ARMC2: variants seen among roughly 807,000 people sequenced by gnomAD.
ARMC2 encodes the protein armadillo repeat containing 2, also known as armadillo repeat-containing protein 2.
ARMC2 carries 67 observed loss-of-function variants against 90.3 expected under a neutral mutation model. That is an observed-to-expected ratio of 0.74 (90% CI 0.61 to 0.91). The LOEUF (loss-of-function observed/expected upper bound fraction) is 0.91. Ranked by LOEUF, ARMC2 falls within the 40% of genes least tolerant of loss-of-function variation. The pLI, the probability that ARMC2 is intolerant of heterozygous loss-of-function variation, is 0.00. For missense variants in ARMC2, 920 were observed against 1,030.9 expected, an observed-to-expected ratio of 0.89 and a Z score of 1.47; for synonymous variants, 393 against 393.0, an observed-to-expected ratio of 1.00 and a Z score of 0.00.
chr6:109,025,615 G>A, the ARMC2 span, among the ~76,000 whole-genome samples: 10 of 150,598 alleles, frequency 6.6e-5, no homozygotes, highest in Non-Finnish European at 1.2e-4. Context: ...GAAAGTATGG[G>A]TGAGAAACAG....
chr6:109,008,046 TTA>T, the ARMC2 span, among the ~76,000 whole-genome samples: 8 of 152,184 alleles, frequency 5.3e-5, no homozygotes, highest in Non-Finnish European at 8.8e-5. Flanking sequence ...TTGGGATGTA[TTA>T]AAAATGAAAT....
the ARMC2 span, among the ~76,000 whole-genome samples, chr6:108,991,156 C>T: frequency 2.6e-5 from 4 of 152,318 alleles, no homozygotes; most frequent in South Asian, 6.2e-4. Context: ...CTCAGCCCCC[C>T]AGATGTGACC....
At chr6:109,028,973 G>A in the ARMC2 span, among the ~76,000 whole-genome samples, 1 of 152,144 alleles carries the variant, frequency 6.6e-6, no homozygotes, top group African/African-American at 2.4e-5. Context: ...TATATTAACT[G>A]TCTCATAGAG....
chr6:108,968,447 A>C (rs1778528696), intron 17 of ARMC2, among the ~76,000 whole-genome samples: 1 of 152,202 alleles, frequency 6.6e-6, no homozygotes, highest in African/African-American at 2.4e-5. Context: ...TCAGGAAGCC[A>C]AGCCACTGCA....
intron 10 of ARMC2, among the ~76,000 whole-genome samples, chr6:108,923,859 G>T (rs1316698991): frequency 2.0e-5 from 3 of 152,040 alleles, no homozygotes; most frequent in Admixed American, 1.3e-4. Context: ...TGCCAGAGGT[G>T]TCTTAAAGGG....
At chr6:108,926,273 A>G (rs956749879) in intron 10 of ARMC2, among the ~76,000 whole-genome samples, 3 of 152,118 alleles carry the variant, frequency 2.0e-5, no homozygotes, top group Non-Finnish European at 4.4e-5. Flanking sequence ...GTCTCCATGG[A>G]AGAGAGTTTT....
chr6:108,922,037 G>C (rs1345575410), intron 10 of ARMC2, among the ~76,000 whole-genome samples: 2 of 152,212 alleles, frequency 1.3e-5, no homozygotes, highest in Non-Finnish European at 2.9e-5. Context: ...TCTGATGGCA[G>C]GTTGCCTTCT....
At position 108,901,098 on chromosome 6, in the gene ARMC2, A is replaced by ATTTTTT. The variant is rs1173637475; in HGVS notation, c.847+1338_847+1343dup. Among the ~76,000 whole-genome samples the ATTTTTT allele has an allele frequency of 8.1e-4, 48 of 59,366 alleles. 9 individuals are homozygous for ATTTTTT. Among genetic ancestry groups the ATTTTTT allele is most frequent in the East Asian group, 7.1e-3 (8 of 1,120 alleles). 38.9% of individuals were successfully genotyped at this position (59,366 alleles called of 152,430 possible). A position where few individuals can be genotyped will look rare whatever the true frequency, so the allele number is the denominator to read the frequency against. ...GAAGCCTTCCTACAGGAAAGAAGGA[A>ATTTTTT]TTTTTTTTTTTTTTTTTTTTTTTTT... On this transcript the variant is annotated intron_variant, in intron 7 of 17. Transcript: ENST00000392644.
At chr6:108,995,762 C>G in the ARMC2 span, among the ~76,000 whole-genome samples, 1 of 152,138 alleles carries the variant, frequency 6.6e-6, no homozygotes, top group African/African-American at 2.4e-5. Context: ...CCAGCCTGGA[C>G]AACAGAGAGA....
chr6:109,045,899 G>A, the ARMC2 span, among the ~76,000 whole-genome samples: 1 of 152,118 alleles, frequency 6.6e-6, no homozygotes, highest in Non-Finnish European at 1.5e-5. Flanking sequence ...TAAATGTGAG[G>A]CACGATATGG....
chr6:108,923,703 T>C (rs143837632), intron 10 of ARMC2, among the ~76,000 whole-genome samples: 3 of 151,264 alleles, frequency 2.0e-5, no homozygotes, highest in African/African-American at 7.3e-5. Context: ...CACAGTGAGA[T>C]TGGTGGCTCT....
At chr6:109,019,227 C>T in the ARMC2 span, among the ~76,000 whole-genome samples, 1 of 152,116 alleles carries the variant, frequency 6.6e-6, no homozygotes, top group South Asian at 2.1e-4. Context: ...ACACACACCC[C>T]TCATGATCTG....
chr6:109,022,327 G>A, the ARMC2 span, among the ~76,000 whole-genome samples: 1 of 147,560 alleles, frequency 6.8e-6, no homozygotes, highest in South Asian at 2.2e-4. Flanking sequence ...TATGATTCCA[G>A]AAGCAGGGCA....
chr6:108,869,945 G>A (rs552119846), intron 4 of ARMC2, among the ~76,000 whole-genome samples: 2 of 152,324 alleles, frequency 1.3e-5, no homozygotes, highest in African/African-American at 4.8e-5. Context: ...AATAGAAAAT[G>A]TCAGAATACA....
intron 7 of ARMC2, among the ~76,000 whole-genome samples, chr6:108,900,974 G>A (rs1050692783): frequency 2.0e-5 from 3 of 151,980 alleles, no homozygotes; most frequent in Non-Finnish European, 4.4e-5. Flanking sequence ...AAACACTAGT[G>A]AGAAGAACAA....
the ARMC2 span, among the ~76,000 whole-genome samples, chr6:109,006,260 A>G: frequency 6.6e-6 from 1 of 152,204 alleles, no homozygotes; most frequent in Admixed American, 6.5e-5. Context: ...TACTATTATT[A>G]TCTCCATTTA....
chr6:108,965,068 A>G lies in ARMC2; in HGVS notation c.2374A>G (p.Ile792Val), dbSNP rs567619826. The G allele has an allele frequency of 1.7e-5, 27 of 1,613,768 alleles. No individual in the cohort carries two copies. The South Asian group carries it at 2.9e-4, about 17-fold the overall frequency. Reference sequence around the variant, plus strand: ...AACTTTATGGAACTTCAGTGAAAACATCACTAATGCTTCGTCATGTTTTGG... The same window carrying G: ...AACTTTATGGAACTTCAGTGAAAACGTCACTAATGCTTCGTCATGTTTTGG... Reference protein sequence around the residue: ...CKTLWNFSENITNASSCFGNE... With the variant: ...CKTLWNFSENVTNASSCFGNE... Residue 792 changes from isoleucine (I) to valine (V), a missense_variant, in exon 17 of 18, where the codon ATC (isoleucine) becomes GTC (valine). By Grantham distance (29) the Ile-to-Val change is conservative. Coordinates refer to ENST00000392644, the MANE Select transcript of ARMC2 (RefSeq NM_032131.6).
chr6:108,889,644 T>C (rs1327379443), intron 5 of ARMC2, among the ~76,000 whole-genome samples: 2 of 151,648 alleles, frequency 1.3e-5, no homozygotes, highest in Non-Finnish European at 2.9e-5. Flanking sequence ...CTTGCCATAT[T>C]GCCCAGGCTG....
At chr6:108,979,901 T>C in the ARMC2 span, among the ~76,000 whole-genome samples, 1 of 152,046 alleles carries the variant, frequency 6.6e-6, no homozygotes, top group African/African-American at 2.4e-5. Context: ...TAACCTTTTT[T>C]CAGGGTTCTT....
Sources: gnomAD v4.1 joint callset for allele counts (sites outside exome capture counted in the v4.1 genomes callset) on GRCh38, gnomAD v4.1.1 for gene constraint, MANE v1.5 for transcripts, NCBI Gene and HGNC (gene_info 2026-07-23, HGNC 2026-07-21) for gene names.